Variants in CAST observed in about 807,000 individuals in gnomAD.
CAST encodes the protein MIR583 host.
CAST carries 76 observed loss-of-function variants against 119.6 expected under a neutral mutation model. That is an observed-to-expected ratio of 0.64 (90% CI 0.53 to 0.77). CAST has a LOEUF of 0.77. CAST is among the 30% of genes least tolerant of loss of function. The probability of loss-of-function intolerance (pLI) is 0.00; values close to 1 mark genes in which losing one functional copy is unlikely to be tolerated. For synonymous variants in CAST, 319 were observed against 331.6 expected, an observed-to-expected ratio of 0.96 and a Z score of 0.41; for missense variants, 953 against 946.5, an observed-to-expected ratio of 1.01 and a Z score of -0.09.
the CAST span, among the ~76,000 whole-genome samples, chr5:96,259,885 T>TG: frequency 9.3e-6 from 1 of 107,168 alleles, no homozygotes; most frequent in South Asian, 3.2e-4. Flanking sequence ...ATTACATTGC[T>TG]TTTTTTTTTT....
the CAST span, among the ~76,000 whole-genome samples, chr5:95,974,155 A>T: frequency 6.6e-6 from 1 of 152,142 alleles, no homozygotes; most frequent in Non-Finnish European, 1.5e-5. Context: ...AGCTGCCTGG[A>T]CAGTGGTGAC....
At chr5:96,723,702 G>A (rs1322790707) in intron 4 of CAST, among the ~76,000 whole-genome samples, 1 of 152,152 alleles carries the variant, frequency 6.6e-6, no homozygotes, top group Non-Finnish European at 1.5e-5. Context: ...TATCTCTTGG[G>A]AATATTTCAG....
At chr5:96,162,473 A>G in the CAST span, among the ~76,000 whole-genome samples, 34 of 152,230 alleles carry the variant, frequency 2.2e-4, 1 homozygote, top group Admixed American at 1.3e-3. Context: ...GCTGGAGTGC[A>G]GTGGGGTGAT....
At chr5:96,694,094 A>G (rs1753015268) in intron 2 of CAST, among the ~76,000 whole-genome samples, 1 of 152,218 alleles carries the variant, frequency 6.6e-6, no homozygotes, top group African/African-American at 2.4e-5. Flanking sequence ...CTTCAGTTCA[A>G]ACTTCCATGG....
At chr5:96,638,858 CCA>C (rs1435876893) in intron 1 of CAST, among the ~76,000 whole-genome samples, 6 of 152,302 alleles carry the variant, frequency 3.9e-5, no homozygotes, top group Admixed American at 1.3e-4. Context: ...CAAACTTTTA[CCA>C]CTGCAGAACT....
the CAST span, among the ~76,000 whole-genome samples, chr5:96,519,732 G>A: frequency 5.6e-3 from 848 of 152,022 alleles, 5 homozygotes; most frequent in African/African-American, 0.02. Context: ...TCAGCCTCCC[G>A]AGTAGTTGGG....
At chr5:96,549,979 C>T (rs1746095414) in intron 1 of CAST, among the ~76,000 whole-genome samples, 1 of 152,226 alleles carries the variant, frequency 6.6e-6, no homozygotes, top group Non-Finnish European at 1.5e-5. Flanking sequence ...GGGGGCAGGG[C>T]ATATATGAAC....
At chr5:96,006,268 G>A in the CAST span, among the ~76,000 whole-genome samples, 3 of 152,112 alleles carry the variant, frequency 2.0e-5, no homozygotes, top group Non-Finnish European at 4.4e-5. Context: ...GTACTCAGCA[G>A]GGGTGTCCAA....
At chr5:96,653,141 C>T (rs1036766258) in intron 1 of CAST, among the ~76,000 whole-genome samples, 2 of 152,230 alleles carry the variant, frequency 1.3e-5, no homozygotes, top group African/African-American at 2.4e-5. Flanking sequence ...CTACTCTGTG[C>T]CACAGTTATC....
the CAST span, among the ~76,000 whole-genome samples, chr5:96,420,787 AAG>A: frequency 0.031 from 4,379 of 142,994 alleles, 144 homozygotes; most frequent in African/African-American, 0.089. Context: ...GAGAGAGAGA[AAG>A]AGAGAGAGAG....
At chr5:96,672,814 T>G (rs1750277811) in intron 1 of CAST, among the ~76,000 whole-genome samples, 1 of 152,122 alleles carries the variant, frequency 6.6e-6, no homozygotes, top group Non-Finnish European at 1.5e-5. Flanking sequence ...TATACTTTTG[T>G]GTATTTTAAA....
At chr5:96,153,129 G>A in the CAST span, among the ~76,000 whole-genome samples, 37,840 of 152,140 alleles carry the variant, frequency 0.25, 5,727 homozygotes, top group Middle Eastern at 0.33. Context: ...AATTGATATT[G>A]TGGTCCTTGG....
At chr5:96,700,791 T>A (rs1195596679) in intron 3 of CAST, among the ~76,000 whole-genome samples, 1 of 152,144 alleles carries the variant, frequency 6.6e-6, no homozygotes, top group Non-Finnish European at 1.5e-5. Flanking sequence ...GCAGATGATT[T>A]GAGAACCACA....
the CAST span, among the ~76,000 whole-genome samples, chr5:96,246,412 C>T: frequency 6.6e-6 from 1 of 152,086 alleles, no homozygotes; most frequent in Non-Finnish European, 1.5e-5. Flanking sequence ...GTCTCGATTT[C>T]CTGACCTTGT....
the CAST span, among the ~76,000 whole-genome samples, chr5:96,291,220 A>C: frequency 1.8e-3 from 270 of 152,356 alleles, 1 homozygote; most frequent in African/African-American, 6.2e-3. Flanking sequence ...CTTGATCCAC[A>C]GAAACTGTGT....
intron 2 of CAST, among the ~76,000 whole-genome samples, chr5:96,683,741 T>C (rs957148361): frequency 6.6e-6 from 1 of 152,236 alleles, no homozygotes; most frequent in Non-Finnish European, 1.5e-5. Flanking sequence ...AGAATTATTT[T>C]CCTATGTGGA....
At chr5:96,290,339 C>T in the CAST span, among the ~76,000 whole-genome samples, 2 of 152,184 alleles carry the variant, frequency 1.3e-5, no homozygotes, top group African/African-American at 4.8e-5. Context: ...AAAGTTCATT[C>T]TCTTTACCAG....
the CAST span, among the ~76,000 whole-genome samples, chr5:96,236,126 T>C: frequency 9.9e-6 from 1 of 100,656 alleles, no homozygotes; most frequent in Non-Finnish European, 2.6e-5. Context: ...TCTATCTATC[T>C]CTCTATCTAT....
chr5:96,176,715 T>G, the CAST span, among the ~76,000 whole-genome samples: 1 of 152,240 alleles, frequency 6.6e-6, no homozygotes, highest in Non-Finnish European at 1.5e-5. Context: ...GGCTTTTCTT[T>G]CTTCCTGAGC....
Sources: gnomAD v4.1 joint callset for allele counts (sites outside exome capture counted in the v4.1 genomes callset) on GRCh38, gnomAD v4.1.1 for gene constraint, MANE v1.5 for transcripts, NCBI Gene and HGNC (gene_info 2026-07-23, HGNC 2026-07-21) for gene names.